SLC24A3: variants seen among roughly 807,000 people sequenced by gnomAD.
SLC24A3 encodes the protein solute carrier family 24 member 3.
SLC24A3 carries 28 observed loss-of-function variants against 75.8 expected under a neutral mutation model. The observed-to-expected ratio is 0.37, with a 90% confidence interval of 0.27 to 0.51. The LOEUF is 0.51. Ranked by LOEUF, SLC24A3 falls within the 20% of genes least tolerant of loss-of-function variation. SLC24A3 has a pLI of 0.94. For synonymous variants in SLC24A3, 372 were observed against 334.1 expected (o/e 1.11, Z -1.24); for missense variants, 663 against 847.8 (o/e 0.78, Z 2.71).
intron 8 of SLC24A3, among the ~76,000 whole-genome samples, chr20:19,671,941 TG>T (rs1010830541): frequency 1.9e-4 from 29 of 151,916 alleles, no homozygotes; most frequent in African/African-American, 7.0e-4. Context: ...AAGGAGAAGC[TG>T]GGGGCAGGAA....
At chr20:19,649,817 C>G (rs2032180552) in intron 6 of SLC24A3, among the ~76,000 whole-genome samples, 1 of 152,162 alleles carries the variant, frequency 6.6e-6, no homozygotes, top group Non-Finnish European at 1.5e-5. Context: ...GGATTCAAAT[C>G]CCAAACTCTT....
chr20:19,281,092 C>T lies in SLC24A3; in HGVS notation c.271+5C>T. 1.2e-6 allele frequency: 2 copies of T among 1,614,112 alleles called. No individual in the cohort carries two copies. The highest frequency in any genetic ancestry group is 2.7e-5 in the African/African-American group (2 of 75,054). Reference sequence around the variant, plus strand: ...GCAAGAACTGCACCGAACCAGGTAACAGTGCTGACTACTCATGGGCAGCAG... The same window carrying T: ...GCAAGAACTGCACCGAACCAGGTAATAGTGCTGACTACTCATGGGCAGCAG... On this transcript the variant is annotated splice_donor_5th_base_variant and intron_variant, in intron 2 of 16. Coordinates refer to ENST00000328041, the MANE Select transcript of SLC24A3 (RefSeq NM_020689.4).
rs528869944 is a variant in SLC24A3 at position 19,400,918 on chromosome 20, G to A, written c.272-114570G>A. Among the ~76,000 whole-genome samples the A allele has an allele frequency of 2.6e-4, 40 of 152,118 alleles. No homozygotes were observed. The South Asian group carries it at 8.1e-3, about 31-fold the overall frequency. On this transcript the variant is annotated intron_variant, in intron 2 of 16. Coordinates refer to ENST00000328041, the MANE Select transcript of SLC24A3 (RefSeq NM_020689.4). ...TATTTTTGGTTGTTTAATGTAGGAG[G>A]GTAAATCCATTCCATTACTCCATCT... is the stretch of plus-strand genomic sequence containing the variant.
At chr20:19,449,951 T>C (rs1987453303) in intron 2 of SLC24A3, among the ~76,000 whole-genome samples, 1 of 152,236 alleles carries the variant, frequency 6.6e-6, no homozygotes, top group East Asian at 1.9e-4. Context: ...CATTTATGCA[T>C]GCATTCATTC....
chr20:19,683,676 A>G (rs1286028191), intron 10 of SLC24A3, among the ~76,000 whole-genome samples: 1 of 152,226 alleles, frequency 6.6e-6, no homozygotes, highest in African/African-American at 2.4e-5. Flanking sequence ...TAGGGTACAA[A>G]GTTCTTGGAG....
In SLC24A3 at chr20:19,325,757, CATACATACATATATATATACATAT is replaced by C. The variant is rs1260680897; in HGVS notation, c.271+44674_271+44697del. Among the ~76,000 whole-genome samples the C allele has an allele frequency of 1.6e-3, 62 of 39,600 alleles. 1 individual carries two copies. The highest frequency in any genetic ancestry group is 2.1e-3 in the Non-Finnish European group (48 of 23,300). 26.0% of individuals were successfully genotyped at this position (39,600 alleles called of 152,430 possible). On this transcript the variant is annotated intron_variant, in intron 2 of 16. Transcript: ENST00000328041. Reference sequence around the variant, plus strand: ...ATGTGTGTGTGTGTGTGTGTGTATACATACATACATATATATATACATATATATATATATATATAGAGAGAGAGA... The same window carrying C: ...ATGTGTGTGTGTGTGTGTGTGTATACATATATATATATATAGAGAGAGAGA...
intron 2 of SLC24A3, among the ~76,000 whole-genome samples, chr20:19,401,066 C>CA (rs1986543679): frequency 6.6e-6 from 1 of 152,102 alleles, no homozygotes; most frequent in African/African-American, 2.4e-5. Flanking sequence ...GTGCTTAGAG[C>CA]ATGCCTGGCA....
chr20:19,303,381 T>C (rs1984244822), intron 2 of SLC24A3, among the ~76,000 whole-genome samples: 1 of 152,250 alleles, frequency 6.6e-6, no homozygotes, highest in Non-Finnish European at 1.5e-5. Context: ...ATAGTGTATA[T>C]GTGCCACATT....
chr20:19,572,172 C>G (rs2031062672), intron 3 of SLC24A3, among the ~76,000 whole-genome samples: 1 of 152,042 alleles, frequency 6.6e-6, no homozygotes. Context: ...AGCCCCCTCC[C>G]CCTCTAAAAA....
At position 19,212,752 on chromosome 20, in the gene SLC24A3, C is replaced by A; in HGVS notation, c.-91C>A. On this transcript the variant is annotated 5_prime_UTR_variant, in exon 1 of 17. Transcript: ENST00000328041. ...GCAGCGAGGACGCGCGGCTGCTGCG[C>A]GCAGGGCTGCCTCCTGCCGCTGTCC... The A allele has an allele frequency of 1.1e-6, 1 of 944,172 alleles. No homozygotes were observed. The highest frequency in any genetic ancestry group is 1.3e-6 in the Non-Finnish European group (1 of 795,084). 58.5% of individuals were successfully genotyped at this position (944,172 alleles called of 1,614,324 possible). A position where few individuals can be genotyped will look rare whatever the true frequency, so the allele number is the denominator to read the frequency against.
At chr20:19,363,948 G>T (rs1019814793) in intron 2 of SLC24A3, among the ~76,000 whole-genome samples, 1 of 152,084 alleles carries the variant, frequency 6.6e-6, no homozygotes, top group African/African-American at 2.4e-5. Flanking sequence ...TGGTCAGGCA[G>T]GTGGGCTTGA....
intron 3 of SLC24A3, among the ~76,000 whole-genome samples, chr20:19,555,720 C>A (rs951414445): frequency 2.0e-5 from 3 of 152,050 alleles, no homozygotes; most frequent in African/African-American, 7.2e-5. Context: ...CAAAAGAAAC[C>A]CCATCTTTGT....
At chr20:19,479,904 A>C (rs1988025430) in intron 2 of SLC24A3, among the ~76,000 whole-genome samples, 1 of 152,212 alleles carries the variant, frequency 6.6e-6, no homozygotes, top group Non-Finnish European at 1.5e-5. Flanking sequence ...ACCTTGAAAG[A>C]AAATTTTAAA....
chr20:19,398,751 G>T (rs374929376), intron 2 of SLC24A3, among the ~76,000 whole-genome samples: 5 of 152,188 alleles, frequency 3.3e-5, no homozygotes, highest in African/African-American at 1.2e-4. Context: ...TCCTTGTTTT[G>T]CCCCATATCT....
chr20:19,719,056 C>T (rs764916716), intron 16 of SLC24A3, among the ~76,000 whole-genome samples: 1 of 152,054 alleles, frequency 6.6e-6, no homozygotes, highest in Non-Finnish European at 1.5e-5. Context: ...AGTGCAGGGT[C>T]CTGGAAGCCA....
chr20:19,647,584 G>T (rs2032154167), intron 6 of SLC24A3, among the ~76,000 whole-genome samples: 1 of 152,198 alleles, frequency 6.6e-6, no homozygotes, highest in Non-Finnish European at 1.5e-5. Flanking sequence ...CTACAGCAGA[G>T]CTGACTCCCT....
chr20:19,262,418 A>G (rs1157704065), intron 1 of SLC24A3, among the ~76,000 whole-genome samples: 1 of 151,408 alleles, frequency 6.6e-6, no homozygotes, highest in African/African-American at 2.4e-5. Flanking sequence ...AAAAAAAAAA[A>G]AAAAAAAAGA....
intron 6 of SLC24A3, among the ~76,000 whole-genome samples, chr20:19,635,156 A>C (rs2031984858): frequency 6.6e-6 from 1 of 152,218 alleles, no homozygotes; most frequent in Non-Finnish European, 1.5e-5. Flanking sequence ...AAGCTCGTTG[A>C]AATAACAGCC....
chr20:19,312,362 G>T (rs1984477882), intron 2 of SLC24A3, among the ~76,000 whole-genome samples: 1 of 152,106 alleles, frequency 6.6e-6, no homozygotes, highest in Non-Finnish European at 1.5e-5. Flanking sequence ...AACAGTATAG[G>T]TATATATAGC....
Sources: allele counts gnomAD v4.1 joint callset (sites outside exome capture counted in the v4.1 genomes callset), GRCh38; gene constraint gnomAD v4.1.1; transcripts MANE v1.5; gene names NCBI Gene and HGNC (gene_info 2026-07-23, HGNC 2026-07-21).